The following SLC35F4 variants were observed in gnomAD, a reference collection of about 807,000 sequenced individuals.
SLC35F4 encodes chromosome 14 open reading frame 36.
Under a neutral mutation model 44.2 loss-of-function variants are expected in SLC35F4, and 24 were observed. The ratio of observed to expected loss-of-function variants is 0.54; its 90% CI spans 0.39 to 0.76. The LOEUF (loss-of-function observed/expected upper bound fraction) is 0.76. Among genes scored for constraint, SLC35F4 ranks in the 30% least tolerant of loss-of-function variants. The probability of loss-of-function intolerance (pLI) is 0.00; values close to 1 mark genes in which losing one functional copy is unlikely to be tolerated. For missense variants in SLC35F4, 562 were observed against 586.1 expected (o/e 0.96, Z 0.42); for synonymous variants, 238 against 223.6 (o/e 1.06, Z -0.57).
intron 1 of SLC35F4, among the ~76,000 whole-genome samples, chr14:57,621,479 A>C (rs1266879375): frequency 6.6e-6 from 1 of 152,048 alleles, no homozygotes; most frequent in Non-Finnish European, 1.5e-5. Flanking sequence ...GATATAGATC[A>C]ATGGAACAGA....
chr14:57,943,968 C>A (rs1036311797), intron 1 of SLC35F4, among the ~76,000 whole-genome samples: 2 of 152,154 alleles, frequency 1.3e-5, no homozygotes, highest in African/African-American at 4.8e-5. Flanking sequence ...GGAGAGATGA[C>A]AGGCAGCTAT....
rs147481471 is a variant in SLC35F4 at position 57,957,357 on chromosome 14, C to T, written n.282+24556G>A. Among the ~76,000 whole-genome samples the T allele has an allele frequency of 6.0e-3, 909 of 151,804 alleles. 10 individuals are homozygous for T. Among genetic ancestry groups the T allele is most frequent in the African/African-American group, 0.021 (849 of 41,334 alleles). ...AACGTAGGTGACAGGTTGATGCATG[C>T]AGCAAGCCACTATGGCACGTGTATA... On this transcript the variant is annotated intron_variant and non_coding_transcript_variant, in intron 1 of 1. Transcript: ENST00000556568.
At chr14:57,661,043 G>A (rs146617677) in intron 1 of SLC35F4, among the ~76,000 whole-genome samples, 2 of 152,296 alleles carry the variant, frequency 1.3e-5, no homozygotes, top group Non-Finnish European at 2.9e-5. Context: ...GGTGAACTTA[G>A]ACAATAGTTT....
intron 1 of SLC35F4, among the ~76,000 whole-genome samples, chr14:57,769,041 A>C (rs200652504): frequency 6.6e-6 from 1 of 152,172 alleles, no homozygotes; most frequent in East Asian, 1.9e-4. Flanking sequence ...TCTAAAGAGT[A>C]CTGTTTGTAA....
chr14:57,570,288 A>G (rs1341143856), intron 5 of SLC35F4, among the ~76,000 whole-genome samples: 1 of 152,232 alleles, frequency 6.6e-6, no homozygotes, highest in East Asian at 1.9e-4. Flanking sequence ...GAGTCCAGAC[A>G]AGCCCAGAAA....
At chr14:57,825,218 G>A (rs939550507) in intron 1 of SLC35F4, among the ~76,000 whole-genome samples, 5 of 152,064 alleles carry the variant, frequency 3.3e-5, no homozygotes, top group African/African-American at 1.2e-4. Flanking sequence ...GGAGGTTTCA[G>A]GCGAATACTT....
chr14:57,971,607 G>A (rs1046371563), intron 1 of SLC35F4, among the ~76,000 whole-genome samples: 9 of 152,136 alleles, frequency 5.9e-5, no homozygotes, highest in Non-Finnish European at 7.3e-5. Context: ...TGAACCTGGA[G>A]GACTATGCTA....
At chr14:57,740,340 T>A in intron 1 of SLC35F4, among the ~76,000 whole-genome samples, 1 of 152,228 alleles carries the variant, frequency 6.6e-6, no homozygotes, top group East Asian at 1.9e-4. Flanking sequence ...TATTTCAGAC[T>A]GTGGGTAAGT....
At chr14:57,602,360 G>A (rs1047243866) in intron 1 of SLC35F4, 25 of 152,026 alleles carry the variant, frequency 1.6e-4, no homozygotes, top group South Asian at 4.2e-4. Context: ...GCAGAATTTC[G>A]GGAAGGCAAA....
At chr14:57,754,229 A>G (rs1445750020) in intron 1 of SLC35F4, among the ~76,000 whole-genome samples, 3 of 151,002 alleles carry the variant, frequency 2.0e-5, no homozygotes, top group Admixed American at 2.0e-4. Flanking sequence ...CAGCCTCCCA[A>G]GTGTCTGGGA....
chr14:57,974,691 C>T (rs1881161358), downstream of SLC35F4, among the ~76,000 whole-genome samples: 1 of 152,068 alleles, frequency 6.6e-6, no homozygotes. Context: ...CTGCTCATTT[C>T]ACTGATGGTG....
chr14:57,944,789 AAG>A (rs1889992603), intron 1 of SLC35F4, among the ~76,000 whole-genome samples: 2 of 151,974 alleles, frequency 1.3e-5, no homozygotes, highest in African/African-American at 4.8e-5. Flanking sequence ...AAAAGAAAAG[AAG>A]AAAGAAAAAA....
At chr14:57,628,811 A>T (rs1489152043) in intron 1 of SLC35F4, among the ~76,000 whole-genome samples, 3 of 152,106 alleles carry the variant, frequency 2.0e-5, no homozygotes, top group African/African-American at 7.2e-5. Flanking sequence ...AAGCAACTTT[A>T]AAAAAAATTT....
chr14:57,671,659 C>T lies in SLC35F4; in HGVS notation c.104-77535G>A, dbSNP rs546435997. ...CAAGTGAGACTCAGTACATAACCAGCGGTGGTGGCTATGGGGTGAAACTCC... is the reference window on the plus strand; with the variant it reads ...CAAGTGAGACTCAGTACATAACCAGTGGTGGTGGCTATGGGGTGAAACTCC... On this transcript the variant is annotated intron_variant, in intron 1 of 7. Transcript: ENST00000556826. Among the ~76,000 whole-genome samples, 11 of 152,054 alleles carry T rather than the reference C, an allele frequency of 7.2e-5. No homozygotes were observed. In the South Asian group the frequency reaches 1.0e-3, roughly 14 times the overall value.
intron 1 of SLC35F4, among the ~76,000 whole-genome samples, chr14:57,838,426 G>A (rs867028617): frequency 6.6e-6 from 1 of 152,156 alleles, no homozygotes; most frequent in African/African-American, 2.4e-5. Context: ...CAAAAACTTT[G>A]TGATCAAAAA....
intron 1 of SLC35F4, among the ~76,000 whole-genome samples, chr14:57,669,816 C>T (rs1020650857): frequency 3.3e-5 from 5 of 152,046 alleles, no homozygotes; most frequent in African/African-American, 7.3e-5. Context: ...CTCTGCCAGG[C>T]TTTGGTATCA....
intron 1 of SLC35F4, among the ~76,000 whole-genome samples, chr14:57,786,545 T>G (rs2077766029): frequency 6.6e-6 from 1 of 152,056 alleles, no homozygotes; most frequent in African/African-American, 2.4e-5. Flanking sequence ...ACAGAACAGG[T>G]GCAGGTATCC....
chr14:57,816,169 C>T (rs1882565617), intron 1 of SLC35F4, among the ~76,000 whole-genome samples: 2 of 152,196 alleles, frequency 1.3e-5, no homozygotes, highest in Non-Finnish European at 2.9e-5. Context: ...GCATATCTCT[C>T]TCTTAATTGT....
chr14:57,836,706 A>G (rs1241967953), intron 1 of SLC35F4, among the ~76,000 whole-genome samples: 2 of 152,038 alleles, frequency 1.3e-5, no homozygotes, highest in Non-Finnish European at 2.9e-5. Context: ...CCCATGACCA[A>G]TCTTGTTTCC....
Sources: allele counts gnomAD v4.1 joint callset (sites outside exome capture counted in the v4.1 genomes callset), GRCh38; gene constraint gnomAD v4.1.1; transcripts MANE v1.5; gene names NCBI Gene and HGNC (gene_info 2026-07-23, HGNC 2026-07-21).